Variants in BRINP3 observed in about 807,000 individuals in gnomAD.
The protein encoded by BRINP3 is BMP/retinoic acid inducible neural specific 3.
A neutral mutation model predicts 71.0 loss-of-function variants in BRINP3; 19 were observed. That is an observed-to-expected ratio of 0.27 (90% confidence interval 0.19 to 0.39). The LOEUF (loss-of-function observed/expected upper bound fraction) is 0.39. Ranked by LOEUF, BRINP3 falls within the 10% of genes least tolerant of loss-of-function variation. The pLI, the probability that BRINP3 is intolerant of heterozygous loss-of-function variation, is 1.00. For missense variants in BRINP3, 959 were observed against 940.8 expected, an observed-to-expected ratio of 1.02 and a Z score of -0.25; for synonymous variants, 380 against 337.7, an observed-to-expected ratio of 1.13 and a Z score of -1.37.
At chr1:190,433,953 C>T (rs996121652) in intron 2 of BRINP3, among the ~76,000 whole-genome samples, 3 of 152,032 alleles carry the variant, frequency 2.0e-5, no homozygotes, top group Admixed American at 6.6e-5. Flanking sequence ...ATTATCCCCA[C>T]CCCGGTTTTC....
rs1558302597 is a variant in BRINP3, at chr1:190,455,037, C to A, written c.-50-97G>T. ...CTAATTTTAAATTTTAATCTAATAT[C>A]ATTGTTTTAAATTAGTATTATCAGC... On this transcript the variant is annotated intron_variant, in intron 1 of 7. Coordinates refer to ENST00000367462, the MANE Select transcript of BRINP3 (RefSeq NM_199051.3). The A allele has an allele frequency of 2.7e-5, 16 of 582,836 alleles. No individual in the cohort carries two copies. In the South Asian group the frequency reaches 2.8e-4, roughly 10 times the overall value. The allele number at this position is 582,836 out of a possible 1,614,324, so 36.1% of individuals were successfully genotyped here.
chr1:190,098,210 T>C lies in BRINP3; in HGVS notation c.2109A>G (p.Leu703=), dbSNP rs747874962. The stretch of plus-strand genomic sequence containing the variant: ...TATTTACACGGTCTCTGATCTCTAG[T>C]AGTTGCAAAAGTGCTGAATCCTGGG... The part of the protein sequence containing the change: ...QGSQDSALLQ[L]LEIRDRVNKL... The change falls in exon 8 of 8, where the codon CTA becomes CTG. Residue 703 remains leucine, a synonymous_variant. Coordinates refer to ENST00000367462, the MANE Select transcript of BRINP3 (RefSeq NM_199051.3). 1.9e-6 allele frequency: 3 copies of C among 1,613,970 alleles called. No individual in the cohort carries two copies. In the East Asian group the frequency reaches 6.7e-5, roughly 36 times the overall value.
intron 4 of BRINP3, among the ~76,000 whole-genome samples, chr1:190,258,003 ACTG>A: frequency 6.6e-6 from 1 of 152,292 alleles, no homozygotes; most frequent in African/African-American, 2.4e-5. Flanking sequence ...TGGGGGAACC[ACTG>A]CTATTTTCAG....
intron 2 of BRINP3, among the ~76,000 whole-genome samples, chr1:190,300,062 C>T (rs1664561051): frequency 1.3e-5 from 2 of 151,870 alleles, no homozygotes; most frequent in Non-Finnish European, 2.9e-5. Context: ...ATCTTTGTGG[C>T]GTTCTCTGTA....
chr1:190,220,208 A>T (rs936130598), intron 6 of BRINP3, among the ~76,000 whole-genome samples: 1 of 152,146 alleles, frequency 6.6e-6, no homozygotes, highest in Non-Finnish European at 1.5e-5. Context: ...AGCAAGAGAA[A>T]AGAAGCAAAA....
intron 2 of BRINP3, among the ~76,000 whole-genome samples, chr1:190,339,450 C>G (rs1667513618): frequency 6.6e-6 from 1 of 151,874 alleles, no homozygotes; most frequent in Admixed American, 6.6e-5. Flanking sequence ...AGTTAATGAC[C>G]TAGAAGAAAA....
At chr1:190,122,788 G>A (rs1037274136) in intron 7 of BRINP3, among the ~76,000 whole-genome samples, 4 of 152,056 alleles carry the variant, frequency 2.6e-5, no homozygotes, top group African/African-American at 9.7e-5. Flanking sequence ...ATAAATATCT[G>A]TTGTTTTAAA....
chr1:190,422,147 C>A (rs867179094), intron 2 of BRINP3, among the ~76,000 whole-genome samples: 3 of 151,700 alleles, frequency 2.0e-5, no homozygotes, highest in Middle Eastern at 3.4e-3. Flanking sequence ...CTATATAGTG[C>A]AAATCATAGT....
At chr1:190,449,067 G>T (rs570680758) in intron 2 of BRINP3, among the ~76,000 whole-genome samples, 1 of 151,960 alleles carries the variant, frequency 6.6e-6, no homozygotes, top group Admixed American at 6.5e-5. Context: ...ATAAACCTGG[G>T]TCACTTAAAC....
chr1:190,416,421 A>C (rs927318913), intron 2 of BRINP3, among the ~76,000 whole-genome samples: 1 of 152,124 alleles, frequency 6.6e-6, no homozygotes, highest in African/African-American at 2.4e-5. Flanking sequence ...TGTGATTTAC[A>C]CTAGGCATAA....
intron 2 of BRINP3, among the ~76,000 whole-genome samples, chr1:190,433,023 C>A (rs1007611580): frequency 2.6e-5 from 4 of 152,176 alleles, no homozygotes; most frequent in African/African-American, 9.6e-5. Flanking sequence ...CCAAAAAAAT[C>A]TATTTTAGAA....
chr1:190,285,817 C>A (rs149542451), intron 2 of BRINP3, among the ~76,000 whole-genome samples: 2 of 151,530 alleles, frequency 1.3e-5, no homozygotes, highest in Admixed American at 1.3e-4. Flanking sequence ...AGCAATGGAG[C>A]GCTGAATTAA....
chr1:190,374,162 C>A (rs1390423971), intron 2 of BRINP3, among the ~76,000 whole-genome samples: 3 of 152,072 alleles, frequency 2.0e-5, no homozygotes, highest in South Asian at 2.1e-4. Flanking sequence ...CATACATATG[C>A]ACAAATTATA....
intron 2 of BRINP3, among the ~76,000 whole-genome samples, chr1:190,296,929 C>T (rs1450112831): frequency 1.8e-4 from 28 of 151,886 alleles, no homozygotes. Flanking sequence ...GAAAAATTAT[C>T]CAATGTTTAT....
chr1:190,373,993 T>G (rs1341704850), intron 2 of BRINP3, among the ~76,000 whole-genome samples: 1 of 151,418 alleles, frequency 6.6e-6, no homozygotes, highest in Non-Finnish European at 1.5e-5. Context: ...GCACAGGGTT[T>G]GAATCCTAAA....
intron 2 of BRINP3, among the ~76,000 whole-genome samples, chr1:190,415,290 T>A (rs1672941442): frequency 6.6e-6 from 1 of 152,168 alleles, no homozygotes; most frequent in South Asian, 2.1e-4. Context: ...AGGATATGAA[T>A]TCATAACATG....
intron 7 of BRINP3, among the ~76,000 whole-genome samples, chr1:190,148,780 C>CT (rs1369419970): frequency 1.3e-5 from 2 of 151,920 alleles, no homozygotes; most frequent in Non-Finnish European, 2.9e-5. Context: ...ATCTTCTAAA[C>CT]TTTTTCTTGT....
chr1:190,428,102 T>A (rs946304943), intron 2 of BRINP3, among the ~76,000 whole-genome samples: 13 of 151,792 alleles, frequency 8.6e-5, no homozygotes, highest in African/African-American at 2.9e-4. Flanking sequence ...AGGCAAATAT[T>A]TTTTTTTCCT....
chr1:190,346,752 C>T (rs1224855855), intron 2 of BRINP3, among the ~76,000 whole-genome samples: 1 of 152,142 alleles, frequency 6.6e-6, no homozygotes, highest in Non-Finnish European at 1.5e-5. Context: ...ACAGCGATCT[C>T]TGAAATGCCC....
Sources: gnomAD v4.1 joint callset for allele counts (sites outside exome capture counted in the v4.1 genomes callset) on GRCh38, gnomAD v4.1.1 for gene constraint, MANE v1.5 for transcripts, NCBI Gene and HGNC (gene_info 2026-07-23, HGNC 2026-07-21) for gene names.